Variants in HEMK2 observed in about 807,000 individuals in gnomAD.
HEMK2 encodes the protein HemK methyltransferase 2, ETF1 glutamine and histone H4 lysine, also known as methyltransferase HEMK2.
At chr21:28,654,857 C>T in the HEMK2 span, among the ~76,000 whole-genome samples, 2 of 152,004 alleles carry the variant, frequency 1.3e-5, no homozygotes, top group Non-Finnish European at 2.9e-5. Flanking sequence ...ATTCCTTATG[C>T]CAAGGATACA....
At chr21:28,721,100 A>G in the HEMK2 span, among the ~76,000 whole-genome samples, 4 of 152,152 alleles carry the variant, frequency 2.6e-5, no homozygotes, top group Admixed American at 2.0e-4. Flanking sequence ...ACAGTATGAT[A>G]AAAATAATGT....
At chr21:28,880,463 G>A in the HEMK2 span, among the ~76,000 whole-genome samples, 5 of 152,172 alleles carry the variant, frequency 3.3e-5, no homozygotes, top group African/African-American at 1.2e-4. Context: ...CAGGCACACT[G>A]GCTCATGCCT....
chr21:28,852,309 C>A, the HEMK2 span, among the ~76,000 whole-genome samples: 3 of 152,136 alleles, frequency 2.0e-5, no homozygotes, highest in Non-Finnish European at 4.4e-5. Context: ...TATGTCTATG[C>A]CAATTATGCA....
the HEMK2 span, among the ~76,000 whole-genome samples, chr21:28,664,728 T>C: frequency 1.3e-5 from 2 of 152,166 alleles, no homozygotes; most frequent in Non-Finnish European, 2.9e-5. Context: ...TGCTTCAGTC[T>C]CTAATAATAA....
At chr21:28,663,191 C>A in the HEMK2 span, among the ~76,000 whole-genome samples, 4 of 152,144 alleles carry the variant, frequency 2.6e-5, no homozygotes, top group African/African-American at 9.7e-5. Flanking sequence ...TAATTTCCTA[C>A]TAAAAGAGAA....
chr21:28,663,281 G>A, the HEMK2 span, among the ~76,000 whole-genome samples: 1 of 152,156 alleles, frequency 6.6e-6, no homozygotes, highest in Non-Finnish European at 1.5e-5. Flanking sequence ...GTCTAAAGAG[G>A]GCAGCAGCCA....
chr21:28,877,212 A>AGGAAGGGAGAGAAAGGAAG, the HEMK2 span, among the ~76,000 whole-genome samples: 1 of 128,280 alleles, frequency 7.8e-6, no homozygotes, highest in Non-Finnish European at 1.7e-5. Context: ...GGGAAGGGAG[A>AGGAAGGGAGAGAAAGGAAG]GAAAGGAAGG....
At chr21:28,867,268 G>GAATAGTGGAAT in the HEMK2 span, among the ~76,000 whole-genome samples, 1 of 152,196 alleles carries the variant, frequency 6.6e-6, no homozygotes, top group Non-Finnish European at 1.5e-5. Context: ...ATGAATAAAT[G>GAATAGTGGAAT]AATAGTGGAA....
At chr21:28,620,380 G>GT in the HEMK2 span, among the ~76,000 whole-genome samples, 1 of 152,214 alleles carries the variant, frequency 6.6e-6, no homozygotes, top group Non-Finnish European at 1.5e-5. Context: ...GAATTTGGCT[G>GT]TGAATCCGTC....
the HEMK2 span, among the ~76,000 whole-genome samples, chr21:28,654,763 C>T: frequency 6.6e-6 from 1 of 152,008 alleles, no homozygotes; most frequent in East Asian, 1.9e-4. Flanking sequence ...AGTGGTTCTG[C>T]ACATTAGGTT....
chr21:28,582,229 G>T, the HEMK2 span, among the ~76,000 whole-genome samples: 1 of 152,172 alleles, frequency 6.6e-6, no homozygotes, highest in Non-Finnish European at 1.5e-5. Context: ...CACTTTAAAT[G>T]AATTTATTAG....
the HEMK2 span, among the ~76,000 whole-genome samples, chr21:28,636,780 G>A: frequency 3.0e-4 from 45 of 152,252 alleles, no homozygotes; most frequent in African/African-American, 1.1e-3. Flanking sequence ...TGTGATGCTC[G>A]ATCCAAACAA....
the HEMK2 span, among the ~76,000 whole-genome samples, chr21:28,839,126 G>C: frequency 6.6e-6 from 1 of 150,914 alleles, no homozygotes; most frequent in Non-Finnish European, 1.5e-5. Context: ...AAAATCACAT[G>C]ATCATTTCAA....
chr21:28,884,414 G>A, the HEMK2 span, among the ~76,000 whole-genome samples: 2 of 152,190 alleles, frequency 1.3e-5, no homozygotes, highest in African/African-American at 4.8e-5. Context: ...TTTGAAACCT[G>A]AAAGCTGTTT....
chr21:28,846,206 G>A, the HEMK2 span, among the ~76,000 whole-genome samples: 10 of 152,062 alleles, frequency 6.6e-5, no homozygotes, highest in South Asian at 8.3e-4. Context: ...ACTGATGGGC[G>A]TCTAGGTTGA....
At chr21:28,659,203 A>G in the HEMK2 span, among the ~76,000 whole-genome samples, 1 of 152,100 alleles carries the variant, frequency 6.6e-6, no homozygotes, top group African/African-American at 2.4e-5. Context: ...ATCAGCCTAG[A>G]AGCTTTATTC....
the HEMK2 span, among the ~76,000 whole-genome samples, chr21:28,598,784 T>C: frequency 6.6e-6 from 1 of 152,274 alleles, no homozygotes; most frequent in South Asian, 2.1e-4. Context: ...ACTGAAAGTT[T>C]TTCTCAATCG....
At chr21:28,771,020 C>T in the HEMK2 span, among the ~76,000 whole-genome samples, 14 of 152,118 alleles carry the variant, frequency 9.2e-5, no homozygotes, top group Non-Finnish European at 1.8e-4. Flanking sequence ...CACACACACA[C>T]GCGCAACTTA....
chr21:28,879,074 T>C, the HEMK2 span, among the ~76,000 whole-genome samples: 2 of 136,866 alleles, frequency 1.5e-5, no homozygotes, highest in Admixed American at 8.3e-5. Context: ...TCATTGTAGA[T>C]TGTTTCTTTT....
Sources: gnomAD v4.1 joint callset for allele counts (sites outside exome capture counted in the v4.1 genomes callset) on GRCh38, gnomAD v4.1.1 for gene constraint, MANE v1.5 for transcripts, NCBI Gene and HGNC (gene_info 2026-07-23, HGNC 2026-07-21) for gene names.